The following ABCB4 variants were observed in gnomAD, a reference collection of about 807,000 sequenced individuals.
ABCB4 encodes ATP binding cassette subfamily B member 4.
A neutral mutation model predicts 145.7 loss-of-function variants in ABCB4; 76 were observed. The ratio of observed to expected loss-of-function variants is 0.52; its 90% confidence interval spans 0.43 to 0.63. The LOEUF (loss-of-function observed/expected upper bound fraction) is 0.63, where lower values mean the gene tolerates loss of function less well. Ranked by LOEUF, ABCB4 falls within the 30% of genes least tolerant of loss-of-function variation. The pLI is 0.00. For missense variants in ABCB4, 1,234 were observed against 1,553.1 expected, an observed-to-expected ratio of 0.79 and a Z score of 3.45; for synonymous variants, 517 against 566.8, an observed-to-expected ratio of 0.91 and a Z score of 1.25.
intron 15 of ABCB4, 62 bp from the exon 16 acceptor site, chr7:87,426,982 TCCAA>T: frequency 1.4e-6 from 2 of 1,470,972 alleles, no homozygotes; most frequent in Non-Finnish European, 1.9e-6. Context: ...TGTGTGTGTC[TCCAA>T]ATGGATGTAA....
At chr7:87,463,246 AACACACACACACAC>A (rs56747933) in intron 3 of ABCB4, among the ~76,000 whole-genome samples, 1 of 148,062 alleles carries the variant, frequency 6.8e-6, no homozygotes, top group East Asian at 2.0e-4. Context: ...ATTAAGTTTA[AACACACACACACAC>A]ACACACACAC....
At chr7:87,467,368 T>TA (rs1256325097) in intron 3 of ABCB4, among the ~76,000 whole-genome samples, 3 of 152,152 alleles carry the variant, frequency 2.0e-5, no homozygotes, top group Admixed American at 2.0e-4. Context: ...AATATATATA[T>TA]TCACCCAATA....
intron 4 of ABCB4, among the ~76,000 whole-genome samples, chr7:87,459,272 A>T (rs1349008398): frequency 6.6e-6 from 1 of 152,138 alleles, no homozygotes; most frequent in Non-Finnish European, 1.5e-5. Context: ...CAAAATTGAA[A>T]TTCTATACCC....
At chr7:87,377,628 T>C in the ABCB4 span, among the ~76,000 whole-genome samples, 22 of 152,308 alleles carry the variant, frequency 1.4e-4, no homozygotes, top group African/African-American at 5.1e-4. Context: ...TATTTTCTTC[T>C]GTAGTAAGGC....
chr7:87,375,594 C>G, the ABCB4 span: 745 of 1,486,980 alleles, frequency 5.0e-4, 4 homozygotes, highest in African/African-American at 9.0e-3. Context: ...TACTTTCTGC[C>G]TGTACTCTTT....
chr7:87,403,084 C>A (rs746925163), intron 27 of ABCB4, 51 bp downstream of exon 27: 1 of 1,597,638 alleles, frequency 6.3e-7, no homozygotes, highest in Non-Finnish European at 8.6e-7. Context: ...ACAGCAAAAT[C>A]CCTTCTATTT....
chr7:87,427,814 G>A (rs566863498), intron 15 of ABCB4, among the ~76,000 whole-genome samples: 1 of 152,130 alleles, frequency 6.6e-6, no homozygotes, highest in Non-Finnish European at 1.5e-5. Flanking sequence ...CTTATATATT[G>A]CCTTGAACCA....
the ABCB4 span, among the ~76,000 whole-genome samples, chr7:87,368,840 A>G: frequency 1.3e-5 from 2 of 152,230 alleles, no homozygotes; most frequent in South Asian, 4.1e-4. Flanking sequence ...GAAATCAGAG[A>G]TAATCCATTG....
At chr7:87,386,920 G>A in the ABCB4 span, among the ~76,000 whole-genome samples, 2 of 152,134 alleles carry the variant, frequency 1.3e-5, no homozygotes, top group Non-Finnish European at 2.9e-5. Context: ...AAGCAGGAAT[G>A]ATTTTTCTGT....
intron 14 of ABCB4, among the ~76,000 whole-genome samples, chr7:87,434,372 A>G (rs1810466525): frequency 6.6e-6 from 1 of 152,078 alleles, no homozygotes; most frequent in Non-Finnish European, 1.5e-5. Context: ...TTTCTTCAAG[A>G]TCTTATATTT....
chr7:87,375,661 A>T, the ABCB4 span: 103 of 1,613,380 alleles, frequency 6.4e-5, no homozygotes, highest in Non-Finnish European at 8.4e-5. Context: ...AAGAAGTGCC[A>T]TAGTGAACCT....
At chr7:87,466,370 G>A (rs942600581) in intron 3 of ABCB4, among the ~76,000 whole-genome samples, 22 of 152,082 alleles carry the variant, frequency 1.4e-4, no homozygotes, top group African/African-American at 5.3e-4. Flanking sequence ...AAAGAAACAA[G>A]CAAAGCCTCC....
At chr7:87,426,944 A>AGTGTTTGTGT in intron 15 of ABCB4, 24 bp from the exon 16 acceptor site, 2 of 1,032,090 alleles carry the variant, frequency 1.9e-6, no homozygotes, top group Non-Finnish European at 2.9e-6. Context: ...AAGACATTAA[A>AGTGTTTGTGT]GTGTGTGTGT....
chr7:87,397,334 G>A (rs1217800379), downstream of ABCB4, among the ~76,000 whole-genome samples: 1 of 137,250 alleles, frequency 7.3e-6, no homozygotes, highest in Non-Finnish European at 1.5e-5. Context: ...CTGGGCAACA[G>A]AGTGAGACTC....
chr7:87,457,109 G>A (rs964555474), intron 4 of ABCB4, among the ~76,000 whole-genome samples: 4 of 152,152 alleles, frequency 2.6e-5, no homozygotes, highest in Admixed American at 6.5e-5. Context: ...GTTGAGTCCA[G>A]AGCATCACAT....
At chr7:87,404,784 C>A (rs1365684094) in intron 26 of ABCB4, among the ~76,000 whole-genome samples, 2 of 152,122 alleles carry the variant, frequency 1.3e-5, no homozygotes, top group Non-Finnish European at 2.9e-5. Context: ...ACATCATTTG[C>A]CATTGGGAAA....
the ABCB4 span, chr7:87,377,544 G>A: frequency 7.9e-5 from 56 of 710,792 alleles, no homozygotes; most frequent in Non-Finnish European, 1.3e-4. Flanking sequence ...CAGTGTAAGT[G>A]AATAGTAATT....
chr7:87,446,748 T>C (rs1285588774), intron 9 of ABCB4, among the ~76,000 whole-genome samples: 1 of 152,228 alleles, frequency 6.6e-6, no homozygotes, highest in African/African-American at 2.4e-5. Flanking sequence ...ATGGCTCCCA[T>C]CCATATTTGT....
the ABCB4 span, chr7:87,382,454 T>A: frequency 9.9e-6 from 16 of 1,613,774 alleles, no homozygotes; most frequent in Middle Eastern, 1.6e-4. Flanking sequence ...TTACATCTTT[T>A]GGCAAAAAGC....
Sources: gnomAD v4.1 joint callset for allele counts (sites outside exome capture counted in the v4.1 genomes callset) on GRCh38, gnomAD v4.1.1 for gene constraint, MANE v1.5 for transcripts, NCBI Gene and HGNC (gene_info 2026-07-23, HGNC 2026-07-21) for gene names.